The following PLIN4 variants were observed in gnomAD, a reference collection of about 807,000 sequenced individuals.
PLIN4 encodes perilipin-4.
Under a neutral mutation model 52.4 loss-of-function variants are expected in PLIN4, and 57 were observed. The observed-to-expected ratio is 1.09, with a 90% CI of 0.88 to 1.36. PLIN4 has a LOEUF of 1.36. PLIN4 is among the 40% of genes most tolerant of loss of function. PLIN4 has a pLI of 0.00. For missense variants in PLIN4, 1,757 were observed against 1,770.3 expected (o/e 0.99, Z 0.13); for synonymous variants, 826 against 785.4 (o/e 1.05, Z -0.86).
chr19:4,504,365 C>G lies in PLIN4; in HGVS notation c.*94G>C. The G allele has an allele frequency of 7.9e-7, 1 of 1,269,506 alleles. No individual in the cohort carries two copies. Among genetic ancestry groups the G allele is most frequent in the South Asian group, 1.6e-5 (1 of 62,136 alleles). The allele number at this position is 1,269,506 out of a possible 1,614,324, so 78.6% of individuals were successfully genotyped here. On this transcript the variant is annotated 3_prime_UTR_variant, in exon 8 of 8. Transcript: ENST00000301286. ...CCCAAAGGTCTAGGGCTTTAGGGAA[C>G]CGATCCAGGTTTGGGGGCGGGGAGA...
At chr19:4,506,012 C>T (rs1599735955) in intron 6 of PLIN4, among the ~76,000 whole-genome samples, 1 of 152,192 alleles carries the variant, frequency 6.6e-6, no homozygotes, top group Non-Finnish European at 1.5e-5. Context: ...AGCTACTTCT[C>T]ACCACCACAG....
Position 4,512,893 on chromosome 19 carries a change from A to C in PLIN4, c.1067T>G (p.Val356Gly), listed in dbSNP as rs1380954251. Residue 356 changes from valine (V) to glycine (G), a missense_variant, in exon 5 of 8, where the codon GTG becomes GGG. Val to Gly is a moderately radical substitution (Grantham distance 109, BLOSUM62 -3). Coordinates refer to ENST00000301286, the MANE Select transcript of PLIN4 (RefSeq NM_001367868.2). The part of the protein sequence containing the change: ...NVAKGTIQTG[V>G]DTTKTVLTGT... The stretch of plus-strand genomic sequence containing the variant: ...AGTTAGGACAGTCTTGGTGGTGTCC[A>C]CGCCGGTCTGGATGGTTCCTTTGGC... 21 of 1,573,556 alleles carry C rather than the reference A, an allele frequency of 1.3e-5. No individual in the cohort carries two copies. The highest frequency in any genetic ancestry group is 1.8e-5 in the Non-Finnish European group (21 of 1,173,064).
At position 4,516,660 on chromosome 19, in the gene PLIN4, T is replaced by G. The variant is rs1160953398; in HGVS notation, c.215A>C (p.Gln72Pro). 1 of 1,600,344 alleles carries G rather than the reference T, an allele frequency of 6.2e-7. No homozygotes were observed. The highest frequency in any genetic ancestry group is 1.7e-5 in the Admixed American group (1 of 58,224). The change falls in exon 4 of 8, where the codon CAG becomes CCG. Residue 72 changes from glutamine (Q) to proline (P), a missense_variant. This residue lies in a region of PLIN4 where 332 missense variants were observed against 310.8 expected (regional missense o/e 1.07). Transcript: ENST00000301286. ...PQAQVAAHPE[Q>P]TAPWTEKELQ... Reference sequence around the variant, plus strand: ...CTCCTTCTCCGTCCATGGGGCCGTCTGCTCTGGGTGGGCAGCCACTGTGGG... The same window carrying G: ...CTCCTTCTCCGTCCATGGGGCCGTCGGCTCTGGGTGGGCAGCCACTGTGGG...
In PLIN4 at chr19:4,517,699, C is replaced by CTG; in HGVS notation, c.52-3_52-2dup. 6.3e-7 allele frequency: 1 copy of CTG among 1,584,108 alleles called. No homozygotes were observed. The highest frequency in any genetic ancestry group is 8.6e-7 in the Non-Finnish European group (1 of 1,165,746). On this transcript the variant is annotated splice_acceptor_variant, in intron 2 of 7. Coordinates refer to ENST00000301286, the MANE Select transcript of PLIN4 (RefSeq NM_001367868.2). LOFTEE classifies it high-confidence loss of function. The stretch of plus-strand genomic sequence containing the variant: ...GGGACCCAAAGAAGCTGCCCAGGGT[C>CTG]TGCATGGGGGCGGGGGGTGTGCAGG...
At position 4,513,417 on chromosome 19, in the gene PLIN4, A is replaced by T. The variant is rs1156785993; in HGVS notation, c.543T>A (p.Asn181Lys). 6.2e-7 allele frequency: 1 copy of T among 1,613,416 alleles called. No homozygotes were observed. The highest frequency in any genetic ancestry group is 8.5e-7 in the Non-Finnish European group (1 of 1,179,844). ...TVSTGLTGAV[N>K]VAKGTVQAGV... is the part of the protein sequence containing the mutation. ...CGGCCTGTACGGTCCCTTTGGCCAC[A>T]TTCACTGCCCCCGTGAGCCCAGTGG... Residue 181 changes from asparagine (N) to lysine (K), a missense_variant, in exon 5 of 8, where the codon AAT (asparagine) becomes AAA (lysine). Physicochemically the swap from Asn to Lys is moderately conservative, Grantham distance 94. Coordinates refer to ENST00000301286, the MANE Select transcript of PLIN4 (RefSeq NM_001367868.2).
At chr19:4,518,148 T>C in intron 2 of PLIN4, 74 bp downstream of exon 2, 1 of 1,173,684 alleles carries the variant, frequency 8.5e-7, no homozygotes. Context: ...ACCCCAGGAC[T>C]GTGGAGGTCA....
At chr19:4,514,337 A>G (rs1976528186) in intron 4 of PLIN4, among the ~76,000 whole-genome samples, 1 of 152,086 alleles carries the variant, frequency 6.6e-6, no homozygotes, top group East Asian at 1.9e-4. Context: ...AGTCCCAGCT[A>G]TTTGGGAGGC....
rs774789219 is a variant in PLIN4 at position 4,513,567 on chromosome 19, T to C, written c.393A>G (p.Ala131=). 1.2e-6 allele frequency: 2 copies of C among 1,606,376 alleles called. No homozygotes were observed. The highest frequency in any genetic ancestry group is 1.7e-6 in the Non-Finnish European group (2 of 1,176,706). The change falls in exon 5 of 8, where the codon GCA becomes GCG. Residue 131 remains alanine, a synonymous_variant. Transcript: ENST00000301286. ...ACACCACCTCCTTGGTGCCCGTAAG[T>C]GCAGACCGAGTGGTGTCCAGGCCTC... The part of the protein sequence containing the change: ...VQGGLDTTRS[A]LTGTKEVVSS...
Position 4,512,179 on chromosome 19 carries a change from A to G in PLIN4, c.1781T>C (p.Leu594Pro), listed in dbSNP as rs780931800. ...AGTCACTGTGTCCTTGGTGCCGGTC[A>G]GCACGGTCTTGGCTGTGTCTACACC... is the stretch of plus-strand genomic sequence containing the variant. Reference protein sequence around the residue: ...QTGVDTAKTVLTGTKDTVTTG... With the variant: ...QTGVDTAKTVPTGTKDTVTTG... The change falls in exon 5 of 8, where the codon CTG (leucine) becomes CCG (proline). Residue 594 changes from leucine (L) to proline (P), a missense_variant. Leu to Pro is a moderately conservative substitution (Grantham distance 98). Around this residue, in one of 7 missense-constraint regions of PLIN4, gnomAD observed 439 missense variants for 406.4 expected, o/e 1.08. Transcript: ENST00000301286. 6.8e-6 allele frequency: 11 copies of G among 1,611,466 alleles called. 1 individual carries two copies. In the Admixed American group the frequency reaches 1.3e-4, roughly 20 times the overall value.
intron 6 of PLIN4, among the ~76,000 whole-genome samples, chr19:4,507,147 G>A (rs557586663): frequency 3.3e-5 from 5 of 152,348 alleles, no homozygotes; most frequent in African/African-American, 4.8e-5. Context: ...CTCAAACTGC[G>A]GCTTGTCACA....
chr19:4,506,189 A>G (rs1231439504), intron 6 of PLIN4, among the ~76,000 whole-genome samples: 1 of 151,488 alleles, frequency 6.6e-6, no homozygotes, highest in Admixed American at 6.6e-5. Context: ...AGGGCTCCCA[A>G]CTCCCTTGGG....
intron 6 of PLIN4, 80 bp downstream of exon 6, chr19:4,508,688 T>TA: frequency 7.1e-7 from 1 of 1,401,198 alleles, no homozygotes; most frequent in Non-Finnish European, 9.6e-7. Context: ...GCTCAGTCAG[T>TA]ATCTGCAGCT....
In PLIN4 at chr19:4,511,633, A is replaced by C; in HGVS notation, c.2327T>G (p.Leu776Trp). The change falls in exon 5 of 8, where the codon TTG (leucine) becomes TGG (tryptophan). Residue 776 changes from leucine (L) to tryptophan (W), a missense_variant. Physicochemically the swap from Leu to Trp is moderately conservative, Grantham distance 61 (BLOSUM62 -2). This residue lies in a region of PLIN4 where 96 missense variants were observed against 136.5 expected (regional missense o/e 0.70). Transcript: ENST00000301286. ...VSTGLTGAVK[L>W]AKGTVQTGMD... ...GCCGGTCTGGACAGTCCCTTTGGCC[A>C]ACTTCACAGCCCCTGTGAGCCCAGT... 2 of 1,162,290 alleles carry C rather than the reference A, an allele frequency of 1.7e-6. No individual in the cohort carries two copies. Among genetic ancestry groups the C allele is most frequent in the East Asian group, 3.3e-5 (1 of 29,916 alleles). 72.0% of individuals were successfully genotyped at this position (1,162,290 alleles called of 1,614,324 possible).
In PLIN4 at chr19:4,513,586, A is replaced by G. The variant is rs750658029; in HGVS notation, c.374T>C (p.Leu125Pro). The change falls in exon 5 of 8, where the codon CTG becomes CCG. Residue 125 changes from leucine to proline, a missense_variant. Around this residue, in one of 7 missense-constraint regions of PLIN4, gnomAD observed 332 missense variants for 310.8 expected, o/e 1.07. Transcript: ENST00000301286. The stretch of plus-strand genomic sequence containing the variant: ...CGTAAGTGCAGACCGAGTGGTGTCC[A>G]GGCCTCCCTGGACCACTCCCTTAGC... ...DVAKGVVQGG[L>P]DTTRSALTGT... The G allele has an allele frequency of 2.0e-5, 32 of 1,605,122 alleles. No homozygotes were observed. Among genetic ancestry groups the G allele is most frequent in the African/African-American group, 6.7e-5 (5 of 74,614 alleles).
rs371707999 is a variant in PLIN4 at position 4,508,963 on chromosome 19, G to A, written c.3515-8C>T. On this transcript the variant is annotated splice_region_variant and splice_polypyrimidine_tract_variant and intron_variant, in intron 5 of 7. Coordinates refer to ENST00000301286, the MANE Select transcript of PLIN4 (RefSeq NM_001367868.2). ...GGGAGGCAGCCAGCTGAGCTGGAAA[G>A]GAAGGCGCACCGCTCAGTCCCGGAA... The A allele has an allele frequency of 1.1e-5, 18 of 1,607,968 alleles. No homozygotes were observed. Among genetic ancestry groups the A allele is most frequent in the South Asian group, 7.7e-5 (7 of 90,348 alleles).
At chr19:4,507,004 C>G (rs1976114831) in intron 6 of PLIN4, among the ~76,000 whole-genome samples, 1 of 152,206 alleles carries the variant, frequency 6.6e-6, no homozygotes, top group Admixed American at 6.5e-5. Context: ...ACCCTGGGCA[C>G]TGCAGGGTGC....
intron 6 of PLIN4, among the ~76,000 whole-genome samples, chr19:4,507,955 T>G (rs1027435611): frequency 6.6e-6 from 1 of 151,988 alleles, no homozygotes; most frequent in East Asian, 1.9e-4. Context: ...CTGGCCAGGG[T>G]GCATGACCCC....
At chr19:4,514,958 C>G (rs1317958727) in intron 4 of PLIN4, among the ~76,000 whole-genome samples, 1 of 151,304 alleles carries the variant, frequency 6.6e-6, no homozygotes, top group East Asian at 2.0e-4. Context: ...GGTGGATCAC[C>G]TGAGGTCAAG....
At position 4,512,221 on chromosome 19, in the gene PLIN4, T is replaced by C. The variant is rs762157540; in HGVS notation, c.1739A>G (p.Lys580Arg). 3.1e-5 allele frequency: 50 copies of C among 1,613,014 alleles called. 1 individual carries two copies. Among genetic ancestry groups the C allele is most frequent in the Non-Finnish European group, 3.9e-5 (46 of 1,179,810 alleles). Reference protein sequence around the residue: ...TGLTGAANVAKGAVQTGVDTA... With the variant: ...TGLTGAANVARGAVQTGVDTA... ...GTCTACACCTGTCTGGACAGCCCCC[T>C]TGGCCACATTCGCTGCCCCCGTGAG... is the stretch of plus-strand genomic sequence containing the variant. Residue 580 changes from lysine (K) to arginine (R), a missense_variant, in exon 5 of 8, where the codon AAG becomes AGG. Physicochemically the swap from Lys to Arg is conservative, Grantham distance 26. Transcript: ENST00000301286.
Sources: gnomAD v4.1 joint callset for allele counts (sites outside exome capture counted in the v4.1 genomes callset) on GRCh38, gnomAD v4.1.1 for gene constraint, gnomAD v4.1.1 regional missense constraint, MANE v1.5 for transcripts, NCBI Gene and HGNC (gene_info 2026-07-23, HGNC 2026-07-21) for gene names.